LRTM3: variants seen among roughly 807,000 people sequenced by gnomAD.
LRTM3 encodes the protein leucine rich repeat transmembrane protein 3, also known as leucine-rich repeat transmembrane protein 3.
the LRTM3 span, chr13:102,735,221 T>C: frequency 6.4e-7 from 1 of 1,551,284 alleles, no homozygotes. Flanking sequence ...CAAATACATT[T>C]TGTTGGGATC....
At chr13:102,732,254 GA>G in the LRTM3 span, 1 of 1,551,332 alleles carries the variant, frequency 6.4e-7, no homozygotes, top group Non-Finnish European at 8.7e-7. Context: ...GATGGAAATA[GA>G]AAGACTTCTG....
the LRTM3 span, chr13:102,746,292 T>C: frequency 1.3e-6 from 2 of 1,550,972 alleles, no homozygotes; most frequent in Admixed American, 2.0e-5. Context: ...AATAAAACTT[T>C]ATGTTCCTCT....
At chr13:102,746,289 CTTTATG>C in the LRTM3 span, 1 of 1,551,042 alleles carries the variant, frequency 6.4e-7, no homozygotes, top group Non-Finnish European at 8.7e-7. Flanking sequence ...TCTAATAAAA[CTTTATG>C]TTCCTCTTCC....
the LRTM3 span, chr13:102,758,954 G>C: frequency 3.8e-5 from 52 of 1,374,224 alleles, no homozygotes; most frequent in African/African-American, 6.6e-4. Context: ...ATGTGAAAGA[G>C]ACTGGTGTCT....
At chr13:102,733,018 A>G in the LRTM3 span, 1 of 1,551,398 alleles carries the variant, frequency 6.4e-7, no homozygotes, top group South Asian at 1.2e-5. Context: ...TTGCAGGGTC[A>G]ATCTCTGTCA....
the LRTM3 span, chr13:102,746,216 A>G: frequency 1.2e-5 from 18 of 1,550,770 alleles, no homozygotes; most frequent in Admixed American, 1.8e-4. Flanking sequence ...GTCTGATTCA[A>G]GATGGATTTC....
chr13:102,746,274 C>T, the LRTM3 span: 1 of 1,551,062 alleles, frequency 6.4e-7, no homozygotes. Flanking sequence ...AGCTGTGGCG[C>T]TGCTTCTAAT....
the LRTM3 span, chr13:102,746,192 C>A: frequency 5.8e-6 from 9 of 1,550,742 alleles, no homozygotes; most frequent in African/African-American, 9.6e-5. Flanking sequence ...CAGTGTTAAA[C>A]AGTTCAGCAC....
At chr13:102,730,586 C>G in the LRTM3 span, 1 of 1,551,960 alleles carries the variant, frequency 6.4e-7, no homozygotes, top group Non-Finnish European at 8.7e-7. Flanking sequence ...GTGCAGATCA[C>G]GGTCAGAAGC....
the LRTM3 span, among the ~76,000 whole-genome samples, chr13:102,753,567 G>A: frequency 6.7e-6 from 1 of 149,716 alleles, no homozygotes; most frequent in Non-Finnish European, 1.5e-5. Flanking sequence ...GGCCATCTGC[G>A]AGTCAAGGAG....
the LRTM3 span, chr13:102,749,131 C>T: frequency 7.0e-5 from 109 of 1,550,148 alleles, no homozygotes; most frequent in Non-Finnish European, 9.3e-5. Flanking sequence ...CAGTGTTATT[C>T]TTGCATCCTA....
the LRTM3 span, chr13:102,741,199 A>C: frequency 6.5e-7 from 1 of 1,549,626 alleles, no homozygotes; most frequent in Non-Finnish European, 8.7e-7. Flanking sequence ...TTTTCTGTCT[A>C]TTTGATTTTA....
the LRTM3 span, chr13:102,739,499 T>A: frequency 6.5e-7 from 1 of 1,550,344 alleles, no homozygotes; most frequent in South Asian, 1.2e-5. Flanking sequence ...TGAATTACTA[T>A]GTGATAGAGA....
the LRTM3 span, chr13:102,741,208 T>C: frequency 1.3e-6 from 2 of 1,549,978 alleles, no homozygotes; most frequent in African/African-American, 2.7e-5. Context: ...TATTTGATTT[T>C]AATGTAATAT....
the LRTM3 span, chr13:102,741,108 G>A: frequency 6.5e-7 from 1 of 1,549,800 alleles, no homozygotes; most frequent in South Asian, 1.2e-5. Flanking sequence ...AATATGCAAG[G>A]GAGAACAGAT....
the LRTM3 span, among the ~76,000 whole-genome samples, chr13:102,754,865 T>C: frequency 6.6e-6 from 1 of 152,176 alleles, no homozygotes; most frequent in East Asian, 1.9e-4. Context: ...ATAGTCATAG[T>C]AACAAATAAA....
At chr13:102,736,420 G>T in the LRTM3 span, 1 of 1,551,000 alleles carries the variant, frequency 6.4e-7, no homozygotes. Context: ...TTTGTACTCT[G>T]TCTTCTTTCT....
At chr13:102,746,983 T>C in the LRTM3 span, 1 of 1,551,262 alleles carries the variant, frequency 6.4e-7, no homozygotes, top group Non-Finnish European at 8.7e-7. Context: ...ATGGGATTGG[T>C]TGATGCATTT....
the LRTM3 span, chr13:102,738,929 ACT>A: frequency 1.3e-6 from 2 of 1,550,156 alleles, no homozygotes; most frequent in Non-Finnish European, 1.7e-6. Context: ...AGCCTTTTCC[ACT>A]CTGTCTTTGT....
Sources: allele counts gnomAD v4.1 joint callset (sites outside exome capture counted in the v4.1 genomes callset), GRCh38; gene constraint gnomAD v4.1.1; transcripts MANE v1.5; gene names NCBI Gene and HGNC (gene_info 2026-07-23, HGNC 2026-07-21).